The following CDIN1 variants were observed in gnomAD, a reference collection of about 807,000 sequenced individuals.
The protein encoded by CDIN1 is CDAN1 interacting nuclease 1.
A neutral mutation model predicts 45.3 loss-of-function variants in CDIN1; 33 were observed. The ratio of observed to expected loss-of-function variants is 0.73; its 90% CI spans 0.55 to 0.97. The LOEUF (loss-of-function observed/expected upper bound fraction) is 0.97, where lower values mean the gene tolerates loss of function less well. CDIN1 is among the 50% of genes least tolerant of loss of function. The pLI is 0.00. For missense variants in CDIN1, 303 were observed against 339.4 expected, an observed-to-expected ratio of 0.89 and a Z score of 0.84; for synonymous variants, 118 against 124.4, an observed-to-expected ratio of 0.95 and a Z score of 0.34.
intron 1 of CDIN1, among the ~76,000 whole-genome samples, chr15:36,616,938 T>C (rs1281299856): frequency 6.6e-6 from 1 of 151,834 alleles, no homozygotes; most frequent in Non-Finnish European, 1.5e-5. Flanking sequence ...AAAATATATA[T>C]ATATATAATG....
intron 1 of CDIN1, among the ~76,000 whole-genome samples, chr15:36,626,387 TA>T (rs34442047): frequency 1.4e-3 from 206 of 143,370 alleles, no homozygotes; most frequent in Admixed American, 2.0e-3. Flanking sequence ...ATCCATTTCT[TA>T]AAAAAAAAAA....
At chr15:36,605,879 A>G (rs1246918209) in intron 1 of CDIN1, among the ~76,000 whole-genome samples, 1 of 152,208 alleles carries the variant, frequency 6.6e-6, no homozygotes, top group Non-Finnish European at 1.5e-5. Context: ...CTGTACACCT[A>G]AAAGTTCAGT....
rs2042466637 is a variant in CDIN1, at chr15:36,697,315, C to A, written c.477-8C>A. On this transcript the variant is annotated splice_region_variant and splice_polypyrimidine_tract_variant and intron_variant, in intron 7 of 10. Coordinates refer to ENST00000566621, the MANE Select transcript of CDIN1 (RefSeq NM_001321759.2). ...GCCTGTGTTACCCCCTTAACTGAAA[C>A]TTCCCAGTGCCATTGGTCATGAGCA... 6.2e-7 allele frequency: 1 copy of A among 1,612,088 alleles called. No individual in the cohort carries two copies. Among genetic ancestry groups the A allele is most frequent in the Admixed American group, 1.7e-5 (1 of 59,638 alleles).
chr15:36,659,181 C>T (rs952983896), intron 5 of CDIN1, among the ~76,000 whole-genome samples: 47 of 152,170 alleles, frequency 3.1e-4, no homozygotes, highest in Admixed American at 1.3e-4. Context: ...CAGTATCAAA[C>T]ACAGTAAAAC....
intron 8 of CDIN1, among the ~76,000 whole-genome samples, chr15:36,698,233 A>G (rs2062362231): frequency 6.6e-6 from 1 of 152,232 alleles, no homozygotes; most frequent in South Asian, 2.1e-4. Context: ...TAAGGAAGAG[A>G]TGTTTAATAA....
At chr15:36,705,996 A>G (rs1457960807) in intron 8 of CDIN1, 3 of 152,128 alleles carry the variant, frequency 2.0e-5, no homozygotes, top group African/African-American at 7.2e-5. Context: ...TGAAGAAAAC[A>G]TCTTATATTA....
At chr15:36,613,362 A>G in intron 1 of CDIN1, 1 of 790,566 alleles carries the variant, frequency 1.3e-6, no homozygotes, top group South Asian at 1.5e-5. Flanking sequence ...AAAAAGATGT[A>G]AAGATAAAAA....
chr15:36,789,192 G>A (rs984085166), intron 10 of CDIN1, among the ~76,000 whole-genome samples: 12 of 152,168 alleles, frequency 7.9e-5, no homozygotes, highest in Non-Finnish European at 1.5e-4. Flanking sequence ...TGTCCCTAGT[G>A]CTTCCATTCC....
rs555898018 is a variant in CDIN1, at chr15:36,610,865, G to A, written c.101+30904G>A. 3.3e-5 allele frequency among the ~76,000 whole-genome samples: 5 copies of A among 152,292 alleles called. No individual in the cohort carries two copies. In the East Asian group the frequency reaches 9.6e-4, roughly 29 times the overall value. ...GCCAGCCAGGTCAGACATTATTAAA[G>A]TTCAAGGGGTCCAGTGGGAAGAGTA... is the stretch of plus-strand genomic sequence containing the variant. On this transcript the variant is annotated intron_variant, in intron 1 of 10. Transcript: ENST00000566621.
chr15:36,591,433 G>A lies in CDIN1; in HGVS notation c.101+11472G>A, dbSNP rs528820313. On this transcript the variant is annotated intron_variant, in intron 1 of 10. Transcript: ENST00000566621. ...TGAGGCAGACTGTTCCTTGTATAAC[G>A]TTAAAAAGCCCATAGACTCTTCCAG... Among the ~76,000 whole-genome samples, 9 of 152,242 alleles carry A rather than the reference G, an allele frequency of 5.9e-5. No individual in the cohort carries two copies. In the East Asian group the frequency reaches 1.4e-3, roughly 23 times the overall value.
At chr15:36,805,967 A>G (rs1242266018) in intron 10 of CDIN1, among the ~76,000 whole-genome samples, 1 of 152,198 alleles carries the variant, frequency 6.6e-6, no homozygotes, top group Non-Finnish European at 1.5e-5. Flanking sequence ...TTAATTAGAG[A>G]CATATTGTCA....
chr15:36,751,229 TTATATATA>T (rs10557235), intron 10 of CDIN1, among the ~76,000 whole-genome samples: 2,303 of 97,568 alleles, frequency 0.024, 141 homozygotes, highest in African/African-American at 0.093. Context: ...TATGCTTATT[TTATATATA>T]TATATATATA....
intron 2 of CDIN1, 86 bp downstream of exon 2, chr15:36,644,409 G>A (rs2140406395): frequency 7.1e-7 from 1 of 1,409,104 alleles, no homozygotes; most frequent in Non-Finnish European, 9.9e-7. Context: ...TGAACTGCCA[G>A]CTCTCTGATT....
chr15:36,632,068 C>T (rs1039917525), intron 1 of CDIN1, among the ~76,000 whole-genome samples: 1 of 152,162 alleles, frequency 6.6e-6, no homozygotes. Context: ...CTCCTCAGCT[C>T]AAGTGATTCT....
chr15:36,761,334 T>G (rs185260081), intron 10 of CDIN1, among the ~76,000 whole-genome samples: 1 of 152,360 alleles, frequency 6.6e-6, no homozygotes, highest in East Asian at 1.9e-4. Context: ...AGTAACTGGC[T>G]TAATGTTGTC....
intron 1 of CDIN1, among the ~76,000 whole-genome samples, chr15:36,600,422 C>T (rs2038040466): frequency 6.6e-6 from 1 of 152,058 alleles, no homozygotes; most frequent in Admixed American, 6.5e-5. Context: ...AAGCATACTC[C>T]CAGGCTTTGA....
intron 10 of CDIN1, among the ~76,000 whole-genome samples, chr15:36,776,816 CT>C (rs985532062): frequency 1.3e-5 from 2 of 151,994 alleles, no homozygotes; most frequent in Non-Finnish European, 2.9e-5. Context: ...ATAGTGATCT[CT>C]TTTTTTTCCT....
intron 10 of CDIN1, among the ~76,000 whole-genome samples, chr15:36,767,252 G>T (rs920081938): frequency 6.6e-6 from 1 of 151,972 alleles, no homozygotes; most frequent in Non-Finnish European, 1.5e-5. Flanking sequence ...AATGTGTTAC[G>T]GTTCAGCAGT....
chr15:36,707,247 A>G (rs557760811), intron 8 of CDIN1: 1 of 152,302 alleles, frequency 6.6e-6, no homozygotes, highest in South Asian at 2.1e-4. Flanking sequence ...TCCTTTGGCT[A>G]CAATTATTAC....
Sources: allele counts gnomAD v4.1 joint callset (sites outside exome capture counted in the v4.1 genomes callset), GRCh38; gene constraint gnomAD v4.1.1; transcripts MANE v1.5; gene names NCBI Gene and HGNC (gene_info 2026-07-23, HGNC 2026-07-21).